The following NCOA1 variants were observed in gnomAD, a reference collection of about 807,000 sequenced individuals.
The protein encoded by NCOA1 is nuclear receptor coactivator 1.
In NCOA1, 35 loss-of-function variants were observed where a neutral mutation model predicts 150.9. The ratio of observed to expected loss-of-function variants is 0.23; its 90% CI spans 0.18 to 0.31. The LOEUF is 0.31. Ranked by LOEUF, NCOA1 falls within the 10% of genes least tolerant of loss-of-function variation. NCOA1 has a pLI of 1.00. For synonymous variants in NCOA1, 590 were observed against 630.0 expected, an observed-to-expected ratio of 0.94 and a Z score of 0.95; for missense variants, 1,491 against 1,749.3, an observed-to-expected ratio of 0.85 and a Z score of 2.63.
chr2:24,494,008 C>G (rs964580212), intron 1 of NCOA1, among the ~76,000 whole-genome samples: 1 of 152,184 alleles, frequency 6.6e-6, no homozygotes, highest in Admixed American at 6.5e-5. Context: ...ACATTTCATG[C>G]TTTTACTCTA....
chr2:24,718,168 A>G (rs1330060608), intron 14 of NCOA1, among the ~76,000 whole-genome samples: 2 of 152,110 alleles, frequency 1.3e-5, no homozygotes, highest in East Asian at 3.9e-4. Context: ...CCAAAGTGCC[A>G]GGATTACAGG....
chr2:24,515,683 G>T (rs762048787), intron 1 of NCOA1, among the ~76,000 whole-genome samples: 4 of 152,178 alleles, frequency 2.6e-5, no homozygotes, highest in Admixed American at 6.5e-5. Context: ...GTTATGAAAA[G>T]AATATTGGAA....
At chr2:24,720,278 G>C (rs1032321433) in intron 14 of NCOA1, among the ~76,000 whole-genome samples, 1 of 152,190 alleles carries the variant, frequency 6.6e-6, no homozygotes. Context: ...GCAAGAAACT[G>C]CTTTATTTAT....
At chr2:24,723,081 T>G (rs55885719) in intron 14 of NCOA1, among the ~76,000 whole-genome samples, 42 of 152,206 alleles carry the variant, frequency 2.8e-4, no homozygotes, top group Non-Finnish European at 4.4e-5. Flanking sequence ...ATATTCACGG[T>G]TCAACATTCA....
chr2:24,629,968 G>A (rs975251075), intron 3 of NCOA1, among the ~76,000 whole-genome samples: 4 of 150,738 alleles, frequency 2.7e-5, no homozygotes, highest in African/African-American at 9.8e-5. Flanking sequence ...CTCAGCCTCC[G>A]GAGTAGCTGG....
chr2:24,536,172 CTTGTCTTCTCGCTTTATTTCAT>C (rs1426584316), intron 1 of NCOA1, among the ~76,000 whole-genome samples: 1 of 152,060 alleles, frequency 6.6e-6, no homozygotes, highest in Non-Finnish European at 1.5e-5. Context: ...TTTCTGTAAC[CTTGTCTTCTCGCTTTATTTCAT>C]TAATTTGATC....
chr2:24,540,419 A>G (rs1296903628), intron 1 of NCOA1, among the ~76,000 whole-genome samples: 1 of 151,582 alleles, frequency 6.6e-6, no homozygotes, highest in African/African-American at 2.4e-5. Context: ...GCCAAGATGG[A>G]TGGATTAGAA....
chr2:24,587,435 A>C (rs1186814351), intron 3 of NCOA1, among the ~76,000 whole-genome samples: 1 of 152,186 alleles, frequency 6.6e-6, no homozygotes, highest in Non-Finnish European at 1.5e-5. Context: ...TTAGTGAGGG[A>C]GATAGGCTGT....
intron 17 of NCOA1, among the ~76,000 whole-genome samples, chr2:24,738,024 G>A (rs1270419562): frequency 6.6e-6 from 1 of 152,036 alleles, no homozygotes; most frequent in African/African-American, 2.4e-5. Context: ...TCTTTTTGAA[G>A]TGACTCAGAA....
intron 7 of NCOA1, among the ~76,000 whole-genome samples, chr2:24,675,203 A>G (rs931070305): frequency 3.3e-5 from 5 of 152,222 alleles, no homozygotes; most frequent in Non-Finnish European, 2.9e-5. Context: ...TATGTGAATT[A>G]CATATATGAA....
intron 1 of NCOA1, among the ~76,000 whole-genome samples, chr2:24,508,800 G>A (rs187584849): frequency 1.7e-4 from 26 of 152,166 alleles, no homozygotes; most frequent in Non-Finnish European, 3.2e-4. Flanking sequence ...GGTGGGGGGA[G>A]GACAAGACAA....
intron 2 of NCOA1, among the ~76,000 whole-genome samples, chr2:24,583,146 A>G (rs1299841124): frequency 6.6e-6 from 1 of 152,206 alleles, no homozygotes; most frequent in Non-Finnish European, 1.5e-5. Context: ...AATGGGAGAA[A>G]ATATTTGCAA....
At chr2:24,565,578 G>A (rs1256477328) in intron 2 of NCOA1, among the ~76,000 whole-genome samples, 1 of 152,184 alleles carries the variant, frequency 6.6e-6, no homozygotes, top group Non-Finnish European at 1.5e-5. Context: ...GATCCTTGGG[G>A]TGTCCTTTCA....
At chr2:24,701,462 A>G (rs1673155155) in intron 11 of NCOA1, among the ~76,000 whole-genome samples, 1 of 151,080 alleles carries the variant, frequency 6.6e-6, no homozygotes, top group South Asian at 2.1e-4. Context: ...AGCCTTGATC[A>G]TGCTACTGCA....
Position 24,679,772 on chromosome 2 carries a change from TTATC to T in NCOA1, c.355-3176_355-3173del, listed in dbSNP as rs1164501104. On this transcript the variant is annotated intron_variant, in intron 7 of 22. Coordinates refer to ENST00000348332, the MANE Select transcript of NCOA1 (RefSeq NM_003743.5). Reference sequence around the variant, plus strand: ...AACCCAAAATATTTTAAAAAAGAGTTTATCTAGTGTTGAGATTTTAAAGATTATT... The same window carrying T: ...AACCCAAAATATTTTAAAAAAGAGTTTAGTGTTGAGATTTTAAAGATTATT... 5.8e-4 allele frequency among the ~76,000 whole-genome samples: 88 copies of T among 152,298 alleles called. 1 individual carries two copies. The highest frequency in any genetic ancestry group is 2.0e-3 in the African/African-American group (82 of 41,556).
intron 1 of NCOA1, among the ~76,000 whole-genome samples, chr2:24,538,767 G>A (rs941764735): frequency 6.6e-6 from 1 of 152,106 alleles, no homozygotes; most frequent in Non-Finnish European, 1.5e-5. Flanking sequence ...TGTCATGTAC[G>A]AGACTTCAGA....
chr2:24,659,595 A>G (rs1049821287), intron 5 of NCOA1, among the ~76,000 whole-genome samples: 3 of 152,192 alleles, frequency 2.0e-5, no homozygotes, highest in African/African-American at 7.2e-5. Context: ...TACATACCCT[A>G]GCTGCTCATT....
At chr2:24,608,704 G>GTTTTTTTTTTTTTTTTTTT (rs56710627) in intron 3 of NCOA1, among the ~76,000 whole-genome samples, 6 of 117,334 alleles carry the variant, frequency 5.1e-5, no homozygotes, top group East Asian at 2.4e-4. Context: ...TTGTTGTTGT[G>GTTTTTTTTTTTTTTTTTTT]TTTTTTTTTT....
At chr2:24,764,081 G>C in intron 22 of NCOA1, among the ~76,000 whole-genome samples, 1 of 152,234 alleles carries the variant, frequency 6.6e-6, no homozygotes, top group East Asian at 1.9e-4. Context: ...GCCAGGCACT[G>C]TGCTATGCAC....
Sources: gnomAD v4.1 joint callset for allele counts (sites outside exome capture counted in the v4.1 genomes callset) on GRCh38, gnomAD v4.1.1 for gene constraint, MANE v1.5 for transcripts, NCBI Gene and HGNC (gene_info 2026-07-23, HGNC 2026-07-21) for gene names.